Variants in CCDC83 observed in about 807,000 individuals in gnomAD.
CCDC83 encodes the protein coiled-coil domain containing 83, also known as coiled-coil domain-containing protein 83.
In CCDC83, 54 loss-of-function variants were observed where a neutral mutation model predicts 50.1. The observed-to-expected ratio is 1.08, with a 90% CI of 0.87 to 1.35. The LOEUF (loss-of-function observed/expected upper bound fraction) is 1.35, where lower values mean the gene tolerates loss of function less well. Among genes scored for constraint, CCDC83 ranks in the 40% most tolerant of loss-of-function variants. The pLI is 0.00. For synonymous variants in CCDC83, 161 were observed against 153.3 expected (o/e 1.05, Z -0.37); for missense variants, 518 against 473.9 (o/e 1.09, Z -0.86).
At chr11:85,865,609 C>T (rs1402995179) in intron 2 of CCDC83, among the ~76,000 whole-genome samples, 2 of 152,146 alleles carry the variant, frequency 1.3e-5, no homozygotes, top group African/African-American at 2.4e-5. Flanking sequence ...TAGAAGAGGC[C>T]GGGCATGGTG....
intron 10 of CCDC83, among the ~76,000 whole-genome samples, chr11:85,918,234 T>C (rs958999696): frequency 6.6e-6 from 1 of 152,210 alleles, no homozygotes; most frequent in African/African-American, 2.4e-5. Flanking sequence ...AATATGCCTA[T>C]ACAGCAGGCC....
chr11:85,857,890 A>G (rs983461645), intron 1 of CCDC83, among the ~76,000 whole-genome samples: 2 of 152,226 alleles, frequency 1.3e-5, no homozygotes, highest in Admixed American at 6.5e-5. Flanking sequence ...CAGGAGGACA[A>G]CATCTTTGTC....
chr11:85,896,400 CAAAAAAAAAA>C (rs58450617), intron 6 of CCDC83, among the ~76,000 whole-genome samples: 1 of 50,504 alleles, frequency 2.0e-5, no homozygotes, highest in Non-Finnish European at 3.7e-5. Context: ...GACCTTGTCT[CAAAAAAAAAA>C]AAAAAAAAAA....
At chr11:85,897,690 T>G (rs1003192624) in intron 6 of CCDC83, among the ~76,000 whole-genome samples, 33 of 152,214 alleles carry the variant, frequency 2.2e-4, no homozygotes, top group African/African-American at 8.0e-4. Context: ...TTAACTTCAG[T>G]TAGGAGCAAC....
intron 1 of CCDC83, among the ~76,000 whole-genome samples, chr11:85,859,474 T>C (rs2093162642): frequency 6.6e-6 from 1 of 151,980 alleles, no homozygotes; most frequent in South Asian, 2.1e-4. Flanking sequence ...AAAACAGACA[T>C]ATAAACTAAT....
At chr11:85,917,820 C>T (rs1416939433) in intron 10 of CCDC83, 1 of 152,184 alleles carries the variant, frequency 6.6e-6, no homozygotes. Flanking sequence ...AATCATGACT[C>T]CTGGGATGTC....
intron 3 of CCDC83, among the ~76,000 whole-genome samples, chr11:85,881,695 A>C (rs935105394): frequency 2.0e-5 from 3 of 152,346 alleles, no homozygotes; most frequent in Middle Eastern, 3.4e-3. Context: ...CTGGAATTAC[A>C]GGCATGAGCC....
intron 7 of CCDC83, among the ~76,000 whole-genome samples, chr11:85,906,534 GA>G (rs1186170668): frequency 2.0e-5 from 3 of 151,648 alleles, no homozygotes; most frequent in African/African-American, 4.8e-5. Context: ...ATAAATGACA[GA>G]AAAAAAAGTC....
At position 85,915,624 on chromosome 11, in the gene CCDC83, A is replaced by G. The variant is rs1223807679; in HGVS notation, c.874+126A>G. The G allele has an allele frequency of 9.4e-6, 6 of 636,532 alleles. No homozygotes were observed. The East Asian group carries it at 1.4e-4, about 15-fold the overall frequency. The allele number at this position is 636,532 out of a possible 1,614,324, so 39.4% of individuals were successfully genotyped here. On this transcript the variant is annotated intron_variant, in intron 9 of 10. Transcript: ENST00000342404. ...GCTATTCAGAGAATAGACACCTGCC[A>G]GCTTCTCTAAATTTCTCCTCTTGCA...
At chr11:85,902,444 T>C (rs1296013884) in intron 7 of CCDC83, among the ~76,000 whole-genome samples, 1 of 152,136 alleles carries the variant, frequency 6.6e-6, no homozygotes, top group African/African-American at 2.4e-5. Context: ...CTTCCCAGTA[T>C]ACCAGGGAAG....
Position 85,903,720 on chromosome 11 carries a change from T to C in CCDC83, c.672+4705T>C, listed in dbSNP as rs1173852318. On this transcript the variant is annotated intron_variant, in intron 7 of 10. Coordinates refer to ENST00000342404, the MANE Select transcript of CCDC83 (RefSeq NM_001286159.2). ...TCTGCCATGGTCCTAGTTCAGGCCT[T>C]ATTATCTCTCACCCAGATCTTTCAA... is the stretch of plus-strand genomic sequence containing the variant. Among the ~76,000 whole-genome samples the C allele has an allele frequency of 4.6e-5, 7 of 152,236 alleles. No individual in the cohort carries two copies. In the East Asian group the frequency reaches 1.3e-3, roughly 29 times the overall value.
intron 3 of CCDC83, among the ~76,000 whole-genome samples, chr11:85,881,416 T>G (rs1005643957): frequency 4.6e-5 from 7 of 151,972 alleles, no homozygotes; most frequent in African/African-American, 9.7e-5. Flanking sequence ...ATTTCAGATT[T>G]TGAATTTTCT....
Position 85,895,283 on chromosome 11 carries a change from TTTTTTA to T in CCDC83, c.512-9_512-4del, listed in dbSNP as rs772893892. 1 of 827,168 alleles carries T rather than the reference TTTTTTA, an allele frequency of 1.2e-6. No individual in the cohort carries two copies. Among genetic ancestry groups the T allele is most frequent in the East Asian group, 2.8e-5 (1 of 35,690 alleles). 51.2% of individuals were successfully genotyped at this position (827,168 alleles called of 1,614,324 possible). ...AATTTTCTTTTTTTTTTTTTTTTTT[TTTTTTA>T]AAGAACACTATAAAATCACTCTGGA... On this transcript the variant is annotated splice_region_variant and splice_polypyrimidine_tract_variant and intron_variant, in intron 5 of 10. Transcript: ENST00000342404.
At chr11:85,864,892 T>A (rs1352147305) in intron 1 of CCDC83, among the ~76,000 whole-genome samples, 1 of 152,150 alleles carries the variant, frequency 6.6e-6, no homozygotes, top group African/African-American at 2.4e-5. Flanking sequence ...ATGCTATACA[T>A]GGGCTAAACA....
intron 10 of CCDC83, among the ~76,000 whole-genome samples, chr11:85,917,213 A>AGAAAGAAAGAGAGAAAGAAAGAAAGAAG (rs1554986942): frequency 2.4e-4 from 28 of 115,080 alleles, no homozygotes; most frequent in Admixed American, 4.6e-4. Flanking sequence ...AAAGAAGGAA[A>AGAAAGAAAGAGAGAAAGAAAGAAAGAAG]GAAAGAAAGA....
chr11:85,898,824 A>C, intron 6 of CCDC83, 123 bp from the exon 7 acceptor site: 1 of 719,720 alleles, frequency 1.4e-6, no homozygotes, highest in Non-Finnish European at 2.4e-6. Flanking sequence ...GTTCTTAAGT[A>C]TGTTCCTAAA....
intron 7 of CCDC83, among the ~76,000 whole-genome samples, chr11:85,902,832 G>C: frequency 6.6e-6 from 1 of 152,122 alleles, no homozygotes; most frequent in African/African-American, 2.4e-5. Context: ...TATACCATGG[G>C]TCATAGTATA....
chr11:85,897,132 G>A (rs2093379469), intron 6 of CCDC83, among the ~76,000 whole-genome samples: 1 of 152,226 alleles, frequency 6.6e-6, no homozygotes. Context: ...ACGATTCAAA[G>A]TAGATATATA....
At chr11:85,893,858 G>GT (rs1250301689) in intron 5 of CCDC83, among the ~76,000 whole-genome samples, 1 of 152,004 alleles carries the variant, frequency 6.6e-6, no homozygotes, top group African/African-American at 2.4e-5. Flanking sequence ...CAAGGACAGG[G>GT]TTTTTTTCTG....
Sources: allele counts gnomAD v4.1 joint callset (sites outside exome capture counted in the v4.1 genomes callset), GRCh38; gene constraint gnomAD v4.1.1; transcripts MANE v1.5; gene names NCBI Gene and HGNC (gene_info 2026-07-23, HGNC 2026-07-21).